PRR14L: variants seen among roughly 807,000 people sequenced by gnomAD.
The protein encoded by PRR14L is protein PRR14L.
PRR14L carries 80 observed loss-of-function variants against 155.0 expected under a neutral mutation model. That is an observed-to-expected ratio of 0.52 (90% CI 0.43 to 0.62). PRR14L has a LOEUF of 0.62. PRR14L is among the 20% of genes least tolerant of loss of function. PRR14L has a pLI of 0.00. For synonymous variants in PRR14L, 883 were observed against 916.0 expected (o/e 0.96, Z 0.65); for missense variants, 2,469 against 2,548.0 (o/e 0.97, Z 0.67).
rs5998086 is a variant in PRR14L at position 31,684,258 on chromosome 22, G to A, written c.*1269C>T. The A allele has an allele frequency of 0.3, 46,339 of 152,148 alleles. 8,340 individuals are homozygous for A. Among genetic ancestry groups the A allele is most frequent in the African/African-American group, 0.51 (21,195 of 41,412 alleles). The allele number at this position is 152,148 out of a possible 1,614,324, so 9.4% of individuals were successfully genotyped here. ...ATTTGACAGTTCCGGTAGATGTGAC[G>A]TAGGAGCCCAGAGTACAATGAGGTG... On this transcript the variant is annotated 3_prime_UTR_variant, in exon 9 of 9. Transcript: ENST00000327423.
At chr22:31,698,345 C>T (rs2074545509) in intron 7 of PRR14L, among the ~76,000 whole-genome samples, 2 of 151,946 alleles carry the variant, frequency 1.3e-5, no homozygotes, top group Middle Eastern at 3.2e-3. Context: ...ACTTCTATCC[C>T]CATTAACAAT....
At chr22:31,727,986 A>G (rs1197079129) in intron 2 of PRR14L, among the ~76,000 whole-genome samples, 2 of 151,900 alleles carry the variant, frequency 1.3e-5, no homozygotes, top group Non-Finnish European at 2.9e-5. Context: ...CTCAGAAAAA[A>G]AAAAAAAAGA....
intron 2 of PRR14L, among the ~76,000 whole-genome samples, chr22:31,727,809 C>T (rs1387416011): frequency 1.3e-5 from 2 of 151,400 alleles, no homozygotes; most frequent in African/African-American, 4.9e-5. Flanking sequence ...TCATGACACC[C>T]CATCTCTACT....
intron 3 of PRR14L, among the ~76,000 whole-genome samples, chr22:31,721,078 T>C (rs1484404815): frequency 1.3e-5 from 2 of 151,952 alleles, no homozygotes; most frequent in African/African-American, 4.8e-5. Flanking sequence ...AAACAGAAAA[T>C]TATGTTGAAA....
chr22:31,705,796 T>G (rs978159522), intron 4 of PRR14L, among the ~76,000 whole-genome samples: 1 of 151,032 alleles, frequency 6.6e-6, no homozygotes, highest in African/African-American at 2.4e-5. Context: ...GGCCAGGAGT[T>G]CGAGACCAGC....
At chr22:31,748,714 G>C (rs1020546185) in intron 1 of PRR14L, among the ~76,000 whole-genome samples, 1 of 152,104 alleles carries the variant, frequency 6.6e-6, no homozygotes, top group African/African-American at 2.4e-5. Context: ...AAGTGGGAGA[G>C]GGCATCTCTA....
At chr22:31,746,738 G>C (rs906292985) in intron 1 of PRR14L, among the ~76,000 whole-genome samples, 1 of 151,570 alleles carries the variant, frequency 6.6e-6, no homozygotes, top group Non-Finnish European at 1.5e-5. Context: ...CTTTTACGTT[G>C]AGGACAATTA....
chr22:31,735,512 A>G (rs1482971064), intron 2 of PRR14L, among the ~76,000 whole-genome samples: 1 of 151,824 alleles, frequency 6.6e-6, no homozygotes, highest in East Asian at 1.9e-4. Context: ...ATGTGTATGT[A>G]TATGTATGCA....
Position 31,711,347 on chromosome 22 carries a change from T to G in PRR14L, c.5756+736A>C, listed in dbSNP as rs553226653. The stretch of plus-strand genomic sequence containing the variant: ...TTAGCCAGGCATGGTGACACGTGCC[T>G]GTAATCCCAGCTACTCGGGAGGCTA... On this transcript the variant is annotated intron_variant, in intron 4 of 8. Transcript: ENST00000327423. Among the ~76,000 whole-genome samples the G allele has an allele frequency of 1.1e-4, 16 of 152,144 alleles. No individual in the cohort carries two copies. In the South Asian group the frequency reaches 3.3e-3, roughly 32 times the overall value.
rs544190660 is a variant in PRR14L, at chr22:31,699,486, T to A, written c.6107+2170A>T. Among the ~76,000 whole-genome samples, 74 of 152,368 alleles carry A rather than the reference T, an allele frequency of 4.9e-4. 1 individual carries two copies. Among genetic ancestry groups the A allele is most frequent in the Admixed American group, 1.7e-3 (26 of 15,298 alleles). On this transcript the variant is annotated intron_variant, in intron 7 of 8. Coordinates refer to ENST00000327423, the MANE Select transcript of PRR14L (RefSeq NM_173566.3). ...AGGTTATGTTCAAAGGGAATGCTCA[T>A]TGGAGCATTTGGGATTTTCAGATGA...
At chr22:31,732,002 A>G (rs1010881397) in intron 2 of PRR14L, among the ~76,000 whole-genome samples, 1 of 152,218 alleles carries the variant, frequency 6.6e-6, no homozygotes, top group African/African-American at 2.4e-5. Context: ...GAACTATACC[A>G]AAAGATGTAC....
At chr22:31,741,114 A>C (rs1426421186) in intron 1 of PRR14L, among the ~76,000 whole-genome samples, 1 of 151,934 alleles carries the variant, frequency 6.6e-6, no homozygotes, top group Non-Finnish European at 1.5e-5. Context: ...TTAGCCAGGC[A>C]TGATGGCGCG....
At chr22:31,709,504 G>A (rs1025301769) in intron 4 of PRR14L, among the ~76,000 whole-genome samples, 12 of 142,514 alleles carry the variant, frequency 8.4e-5, no homozygotes, top group Admixed American at 6.4e-4. Flanking sequence ...GATTACACAC[G>A]TGAGCTACTG....
At chr22:31,706,764 T>C (rs1011874836) in intron 4 of PRR14L, among the ~76,000 whole-genome samples, 2 of 152,082 alleles carry the variant, frequency 1.3e-5, no homozygotes, top group East Asian at 1.9e-4. Flanking sequence ...AACAGCAAAC[T>C]TCTGGCCAGG....
chr22:31,730,200 G>A (rs1379275985), intron 2 of PRR14L, among the ~76,000 whole-genome samples: 1 of 151,818 alleles, frequency 6.6e-6, no homozygotes, highest in African/African-American at 2.4e-5. Context: ...AGCACTTTGG[G>A]AGGCCAAGGC....
In PRR14L at chr22:31,733,298, G is replaced by GTT. The variant is rs1162819822; in HGVS notation, c.474+5087_474+5088dup. 7.7e-3 allele frequency among the ~76,000 whole-genome samples: 494 copies of GTT among 64,054 alleles called. 2 individuals are homozygous for GTT. The highest frequency in any genetic ancestry group is 0.016 in the Middle Eastern group (1 of 64). The allele number at this position is 64,054 out of a possible 152,430, so 42.0% of individuals were successfully genotyped here. ...GTGTGAGCCACCGCGCCTGGCCACT[G>GTT]TTTTTTTTTTTTTTTTTTTTTTTTG... is the stretch of plus-strand genomic sequence containing the variant. On this transcript the variant is annotated intron_variant, in intron 2 of 8. Transcript: ENST00000327423.
chr22:31,729,692 G>A (rs1449097939), intron 2 of PRR14L, among the ~76,000 whole-genome samples: 1 of 152,164 alleles, frequency 6.6e-6, no homozygotes, highest in Non-Finnish European at 1.5e-5. Context: ...CTTGAATGAT[G>A]TACCTAGAGT....
chr22:31,743,290 G>A (rs1426969826), intron 1 of PRR14L, among the ~76,000 whole-genome samples: 4 of 151,328 alleles, frequency 2.6e-5, no homozygotes, highest in Admixed American at 2.0e-4. Context: ...AGACAAAACC[G>A]AAAGTCTGTC....
rs1162002141 is a variant in PRR14L at position 31,713,964 on chromosome 22, C to T, written c.3875G>A (p.Ser1292Asn). ...TACGCTGTCTCTGTCACTAGAATTA[C>T]TCCAATCTCTTGATACTATTTCCTT... ...EMKEIVSRDW[S>N]NSSDRDSVCT... Residue 1292 changes from serine to asparagine, a missense_variant, in exon 4 of 9, where the codon AGT (serine) becomes AAT (asparagine). Ser to Asn is a conservative substitution (Grantham distance 46, BLOSUM62 1). Coordinates refer to ENST00000327423, the MANE Select transcript of PRR14L (RefSeq NM_173566.3). The T allele has an allele frequency of 1.9e-6, 3 of 1,551,716 alleles. No homozygotes were observed. Among genetic ancestry groups the T allele is most frequent in the Admixed American group, 2.0e-5 (1 of 51,006 alleles).
Sources: gnomAD v4.1 joint callset for allele counts (sites outside exome capture counted in the v4.1 genomes callset) on GRCh38, gnomAD v4.1.1 for gene constraint, MANE v1.5 for transcripts, NCBI Gene and HGNC (gene_info 2026-07-23, HGNC 2026-07-21) for gene names.